The following NME9 variants were observed in gnomAD, a reference collection of about 807,000 sequenced individuals.
NME9 encodes the protein NME/NM23 family member 9.
NME9 carries 48 observed loss-of-function variants against 44.4 expected under a neutral mutation model. The ratio of observed to expected loss-of-function variants is 1.08; its 90% CI spans 0.86 to 1.37. The LOEUF is 1.37. Among genes scored for constraint, NME9 ranks in the 40% most tolerant of loss-of-function variants. NME9 has a pLI of 0.00. For synonymous variants in NME9, 139 were observed against 147.1 expected (o/e 0.94, Z 0.40); for missense variants, 325 against 405.2 (o/e 0.80, Z 1.70).
downstream of NME9, chr3:138,296,146 A>G (rs2051464008): frequency 2.4e-6 from 1 of 417,286 alleles, no homozygotes. Context: ...TATTAGAACA[A>G]TCAATCATTT....
intron 8 of NME9, among the ~76,000 whole-genome samples, chr3:138,289,485 T>C (rs1306653097): frequency 6.6e-6 from 1 of 152,138 alleles, no homozygotes; most frequent in Non-Finnish European, 1.5e-5. Context: ...GAAGCACATA[T>C]GAGGACTACA....
At chr3:138,310,023 AAAAAG>A (rs1354232217) in intron 6 of NME9, among the ~76,000 whole-genome samples, 5 of 152,102 alleles carry the variant, frequency 3.3e-5, no homozygotes, top group African/African-American at 9.7e-5. Context: ...CTCAAAAAAA[AAAAAG>A]AAAAGAAACC....
chr3:138,319,448 G>A (rs775601481), intron 3 of NME9, 30 bp downstream of exon 3: 8 of 1,212,752 alleles, frequency 6.6e-6, no homozygotes, highest in South Asian at 2.4e-5. Context: ...TTACAATGTT[G>A]TATGACTGTT....
chr3:138,315,525 A>G lies in NME9; in HGVS notation c.384+2T>C. ...CTGCTTATAGAAGTGACCTCCAGTT[A>G]CCACTTTCCGTTCTCTGCCTTCAGC... On this transcript the variant is annotated splice_donor_variant, in intron 5 of 10. Coordinates refer to ENST00000333911, the MANE Select transcript of NME9 (RefSeq NM_001349018.2). LOFTEE classifies it high-confidence loss of function. 1.3e-6 allele frequency: 2 copies of G among 1,534,110 alleles called. No homozygotes were observed. The highest frequency in any genetic ancestry group is 1.7e-6 in the Non-Finnish European group (2 of 1,144,960).
chr3:138,287,345 CT>C (rs2050531533), intron 8 of NME9, among the ~76,000 whole-genome samples: 1 of 152,156 alleles, frequency 6.6e-6, no homozygotes, highest in African/African-American at 2.4e-5. Flanking sequence ...GCCCCTTGCT[CT>C]TTGCACATCT....
downstream of NME9, chr3:138,296,063 T>A (rs939062031): frequency 3.1e-5 from 17 of 551,030 alleles, no homozygotes; most frequent in African/African-American, 3.3e-4. Flanking sequence ...AGAACATTTT[T>A]TTGAGGTAGT....
At chr3:138,270,636 T>C (rs73867056) in intron 8 of NME9, among the ~76,000 whole-genome samples, 2,487 of 152,298 alleles carry the variant, frequency 0.016, 69 homozygotes, top group African/African-American at 0.057. Flanking sequence ...GATTGTGGGA[T>C]GGCTAATTTG....
intron 8 of NME9, among the ~76,000 whole-genome samples, chr3:138,277,278 C>T (rs1185764346): frequency 1.3e-5 from 2 of 152,126 alleles, no homozygotes; most frequent in African/African-American, 4.8e-5. Flanking sequence ...ATAGACATAA[C>T]ATAAAAGGTA....
chr3:138,318,278 T>C (rs1210596305), intron 3 of NME9, 59 bp from the exon 4 acceptor site: 1 of 1,128,000 alleles, frequency 8.9e-7, no homozygotes. Flanking sequence ...GCCCAATTGA[T>C]TGGTGGGAAA....
Position 138,301,115 on chromosome 3 carries a change from G to A in NME9, c.*525C>T. Reference sequence around the variant, plus strand: ...GTAATAACTGATGTTCAATTATTTTGTAAAATCCCAAAGACAGAGAAAAAA... The same window carrying A: ...GTAATAACTGATGTTCAATTATTTTATAAAATCCCAAAGACAGAGAAAAAA... On this transcript the variant is annotated 3_prime_UTR_variant, in exon 11 of 11. Coordinates refer to ENST00000333911, the MANE Select transcript of NME9 (RefSeq NM_001349018.2). 1 of 972,204 alleles carries A rather than the reference G, an allele frequency of 1.0e-6. No homozygotes were observed. The highest frequency in any genetic ancestry group is 1.2e-6 in the Non-Finnish European group (1 of 818,096). The allele number at this position is 972,204 out of a possible 1,614,324, so 60.2% of individuals were successfully genotyped here. A position where few individuals can be genotyped will look rare whatever the true frequency, so the allele number is the denominator to read the frequency against.
rs1424276723 is a variant in NME9, at chr3:138,319,613, T to C, written c.92-32A>G. The stretch of plus-strand genomic sequence containing the variant: ...GGAACCAAGAAGCAGGAACATTCAG[T>C]AGACGCCAGTGCCCACCACACCATG... On this transcript the variant is annotated intron_variant, in intron 2 of 10. Coordinates refer to ENST00000333911, the MANE Select transcript of NME9 (RefSeq NM_001349018.2). 3.5e-6 allele frequency: 4 copies of C among 1,139,160 alleles called. No homozygotes were observed. The African/African-American group carries it at 6.1e-5, about 17-fold the overall frequency. 70.6% of individuals were successfully genotyped at this position (1,139,160 alleles called of 1,614,324 possible). A position where few individuals can be genotyped will look rare whatever the true frequency, so the allele number is the denominator to read the frequency against.
intron 8 of NME9, among the ~76,000 whole-genome samples, chr3:138,292,387 T>C (rs972581017): frequency 6.6e-6 from 1 of 152,158 alleles, no homozygotes; most frequent in African/African-American, 2.4e-5. Flanking sequence ...CAGAGAACCA[T>C]CTGTAGGAGG....
At chr3:138,323,138 C>T (rs992598209) in intron 2 of NME9, among the ~76,000 whole-genome samples, 5 of 152,310 alleles carry the variant, frequency 3.3e-5, no homozygotes, top group South Asian at 2.1e-4. Flanking sequence ...CAATGCTGGC[C>T]GGGTGTGCTG....
intron 8 of NME9, among the ~76,000 whole-genome samples, chr3:138,269,161 T>G (rs1646467249): frequency 6.6e-6 from 1 of 152,216 alleles, no homozygotes; most frequent in Admixed American, 6.5e-5. Context: ...TTGTATTTTT[T>G]GCTACTTTAT....
exon 9 of NME9, chr3:138,262,499 C>A (rs1248926493): frequency 1.3e-6 from 2 of 1,586,014 alleles, no homozygotes. Flanking sequence ...AGGTTTTCCA[C>A]TCTCTCATGT....
rs530522342 is a variant in NME9 at position 138,328,844 on chromosome 3, A to G, written c.33+459T>C. 2.0e-5 allele frequency among the ~76,000 whole-genome samples: 3 copies of G among 152,364 alleles called. No homozygotes were observed. The East Asian group carries it at 5.8e-4, about 29-fold the overall frequency. On this transcript the variant is annotated intron_variant, in intron 1 of 10. Transcript: ENST00000333911. ...ATTTGTTAATAAGTGAAATTTGATG[A>G]GAACAGTGGTGGGAAAACTGGGTCT...
Position 138,329,734 on chromosome 3 carries a change from C to A in NME9, c.-399G>T. The A allele has an allele frequency of 9.5e-7, 1 of 1,048,356 alleles. No homozygotes were observed. The highest frequency in any genetic ancestry group is 1.1e-6 in the Non-Finnish European group (1 of 870,290). 64.9% of individuals were successfully genotyped at this position (1,048,356 alleles called of 1,614,324 possible). A position where few individuals can be genotyped will look rare whatever the true frequency, so the allele number is the denominator to read the frequency against. On this transcript the variant is annotated 5_prime_UTR_variant, in exon 1 of 11. Transcript: ENST00000333911. The stretch of plus-strand genomic sequence containing the variant: ...AAAAACGACATGGGACCCTGTTATC[C>A]CTGCTGTTCTTATGGATTACTGGGA...
chr3:138,300,763 T>C (rs2051796667), downstream of NME9, among the ~76,000 whole-genome samples: 1 of 152,210 alleles, frequency 6.6e-6, no homozygotes, highest in Non-Finnish European at 1.5e-5. Flanking sequence ...AGATGAACCC[T>C]GGTTCCAAAT....
intron 6 of NME9, among the ~76,000 whole-genome samples, chr3:138,308,942 A>AAAG (rs1338800320): frequency 3.1e-4 from 43 of 139,046 alleles, no homozygotes; most frequent in Middle Eastern, 3.6e-3. Context: ...CAAAATACTG[A>AAAG]AAGAAAAAAA....
Sources: allele counts gnomAD v4.1 joint callset (sites outside exome capture counted in the v4.1 genomes callset), GRCh38; gene constraint gnomAD v4.1.1; transcripts MANE v1.5; gene names NCBI Gene and HGNC (gene_info 2026-07-23, HGNC 2026-07-21).